Variants in E2F3 observed in about 807,000 individuals in gnomAD.
E2F3 encodes the protein transcription factor E2F3.
In E2F3, 11 loss-of-function variants were observed where a neutral mutation model predicts 44.4. The ratio of observed to expected loss-of-function variants is 0.25; its 90% CI spans 0.16 to 0.41. E2F3 has a LOEUF of 0.41. Among genes scored for constraint, E2F3 ranks in the 10% least tolerant of loss-of-function variants. The pLI is 1.00. For missense variants in E2F3, 487 were observed against 583.6 expected (o/e 0.83, Z 1.70); for synonymous variants, 249 against 253.0 (o/e 0.98, Z 0.15).
At chr6:20,456,313 TAAA>T (rs76985100) in intron 1 of E2F3, among the ~76,000 whole-genome samples, 1 of 137,108 alleles carries the variant, frequency 7.3e-6, no homozygotes, top group Admixed American at 7.3e-5. Flanking sequence ...GTCCCCCAGT[TAAA>T]AAAAAAAAAA....
rs1762613592 is a variant in E2F3, at chr6:20,493,691, A to G, written c.*3261A>G. ...ATAAATTTTGTATGGTAAAGGATCA[A>G]TAAAATGATTTTTTTTAAGAGTTCA... On this transcript the variant is annotated 3_prime_UTR_variant, in exon 7 of 7. Coordinates refer to ENST00000346618, the MANE Select transcript of E2F3 (RefSeq NM_001949.5). The G allele has an allele frequency of 2.1e-5, 4 of 194,706 alleles. No individual in the cohort carries two copies. The Admixed American group carries it at 2.4e-4, about 12-fold the overall frequency. 12.1% of individuals were successfully genotyped at this position (194,706 alleles called of 1,614,324 possible). A position where few individuals can be genotyped will look rare whatever the true frequency, so the allele number is the denominator to read the frequency against.
At chr6:20,459,506 T>C (rs1199926072) in intron 1 of E2F3, among the ~76,000 whole-genome samples, 23 of 152,206 alleles carry the variant, frequency 1.5e-4, no homozygotes, top group Admixed American at 1.5e-3. Context: ...AGCTGAAAAT[T>C]GATGTCACCG....
intron 1 of E2F3, among the ~76,000 whole-genome samples, chr6:20,476,407 T>G (rs1762046804): frequency 6.6e-6 from 1 of 151,756 alleles, no homozygotes; most frequent in South Asian, 2.1e-4. Context: ...AAAGGAGAGT[T>G]TATTGGCTAA....
At chr6:20,407,619 T>A (rs1489451359) in intron 1 of E2F3, among the ~76,000 whole-genome samples, 2 of 152,240 alleles carry the variant, frequency 1.3e-5, no homozygotes, top group Non-Finnish European at 2.9e-5. Flanking sequence ...TTAACTCTTC[T>A]GTCTTTAATG....
intron 1 of E2F3, among the ~76,000 whole-genome samples, chr6:20,429,390 A>G (rs1308853151): frequency 5.9e-5 from 9 of 152,218 alleles, no homozygotes; most frequent in African/African-American, 9.6e-5. Context: ...GCATCATTAA[A>G]TACCACCTGG....
chr6:20,482,357 T>A (rs916030427), intron 3 of E2F3, among the ~76,000 whole-genome samples: 11 of 144,262 alleles, frequency 7.6e-5, no homozygotes, highest in Middle Eastern at 3.7e-3. Context: ...TTTTTTTTTT[T>A]AATTTTGAAC....
intron 1 of E2F3, among the ~76,000 whole-genome samples, chr6:20,467,505 C>T (rs1466328131): frequency 6.6e-6 from 1 of 152,208 alleles, no homozygotes; most frequent in Non-Finnish European, 1.5e-5. Context: ...ATACCCTCTG[C>T]TTTCAATGGC....
chr6:20,408,349 G>A (rs1448099524), intron 1 of E2F3, among the ~76,000 whole-genome samples: 2 of 152,098 alleles, frequency 1.3e-5, no homozygotes, highest in Non-Finnish European at 1.5e-5. Context: ...TATTATAGAG[G>A]GATAACATAC....
intron 1 of E2F3, among the ~76,000 whole-genome samples, chr6:20,447,632 G>A (rs6456351): frequency 0.89 from 135,230 of 152,014 alleles, 60,315 homozygotes; most frequent in East Asian, 0.94. Flanking sequence ...ATATTATGTC[G>A]TCTGGTGCAG....
intron 1 of E2F3, among the ~76,000 whole-genome samples, chr6:20,423,096 T>C (rs1283137194): frequency 3.3e-5 from 5 of 152,198 alleles, no homozygotes; most frequent in Admixed American, 3.3e-4. Flanking sequence ...TTCTATGATG[T>C]ATTTCTTTCT....
chr6:20,431,635 A>T (rs952871911), intron 1 of E2F3, among the ~76,000 whole-genome samples: 1 of 152,092 alleles, frequency 6.6e-6, no homozygotes, highest in Non-Finnish European at 1.5e-5. Context: ...CCTCAGCAGA[A>T]TGAAGCCCCT....
At chr6:20,460,118 G>A (rs1761449782) in intron 1 of E2F3, among the ~76,000 whole-genome samples, 1 of 152,152 alleles carries the variant, frequency 6.6e-6, no homozygotes, top group Non-Finnish European at 1.5e-5. Flanking sequence ...CCCACGACTT[G>A]TCTCCCAGAA....
chr6:20,450,101 T>C (rs1442468613), intron 1 of E2F3, among the ~76,000 whole-genome samples: 4 of 152,218 alleles, frequency 2.6e-5, no homozygotes, highest in African/African-American at 9.6e-5. Flanking sequence ...TGAGTCTTCA[T>C]AACAGAACAA....
chr6:20,463,999 T>A (rs1224474853), intron 1 of E2F3, among the ~76,000 whole-genome samples: 1 of 152,222 alleles, frequency 6.6e-6, no homozygotes, highest in Non-Finnish European at 1.5e-5. Context: ...TTTACTGGTT[T>A]ATTATAAAGG....
At chr6:20,487,017 A>C (rs1246174711) in intron 5 of E2F3, among the ~76,000 whole-genome samples, 1 of 152,246 alleles carries the variant, frequency 6.6e-6, no homozygotes, top group African/African-American at 2.4e-5. Context: ...CAGGATGTTC[A>C]GTTCAAAGTG....
intron 1 of E2F3, among the ~76,000 whole-genome samples, chr6:20,407,318 G>A (rs770011807): frequency 2.0e-5 from 3 of 152,120 alleles, no homozygotes; most frequent in East Asian, 1.9e-4. Context: ...TACCAAGGGC[G>A]CCACTCTAAT....
intron 1 of E2F3, among the ~76,000 whole-genome samples, chr6:20,436,760 AT>A (rs1441478468): frequency 6.6e-6 from 1 of 152,230 alleles, no homozygotes; most frequent in Non-Finnish European, 1.5e-5. Flanking sequence ...TAAGGTTCTA[AT>A]ATGGACTTCT....
chr6:20,402,248 C>T lies in E2F3; in HGVS notation c.16C>T (p.Gln6Ter). 1.3e-6 allele frequency: 2 copies of T among 1,595,834 alleles called. No homozygotes were observed. The highest frequency in any genetic ancestry group is 8.5e-7 in the Non-Finnish European group (1 of 1,175,344). ...GGAGCGAGAGATGAGAAAGGGAATCCAGCCCGCTCTGGAGCAGTACCTGGT... is the reference window on the plus strand; with the variant it reads ...GGAGCGAGAGATGAGAAAGGGAATCTAGCCCGCTCTGGAGCAGTACCTGGT... MRKGI[Q>*]PALEQYLVTA... Residue 6 changes from glutamine to a stop codon, truncating the protein, a stop_gained, in exon 1 of 7, where the codon CAG (glutamine) becomes TAG (stop). Transcript: ENST00000346618. LOFTEE classifies it high-confidence loss of function. This position sits in a 1 kb window ranked among gnomAD's most constrained non-coding sequence, Gnocchi z 5.6.
At position 20,492,356 on chromosome 6, in the gene E2F3, G is replaced by C. The variant is rs576605115; in HGVS notation, c.*1926G>C. 4.3e-6 allele frequency: 1 copy of C among 233,480 alleles called. No individual in the cohort carries two copies. The highest frequency in any genetic ancestry group is 6.0e-5 in the East Asian group (1 of 16,680). 14.5% of individuals were successfully genotyped at this position (233,480 alleles called of 1,614,324 possible). ...TTTTCTTCTTCAGCCTCCATCCCTGGCCTCCTCCCCTCACACACACTGGAC... is the reference window on the plus strand; with the variant it reads ...TTTTCTTCTTCAGCCTCCATCCCTGCCCTCCTCCCCTCACACACACTGGAC... On this transcript the variant is annotated 3_prime_UTR_variant, in exon 7 of 7. Transcript: ENST00000346618.
Sources: allele counts gnomAD v4.1 joint callset (sites outside exome capture counted in the v4.1 genomes callset), GRCh38; gene constraint gnomAD v4.1.1; non-coding constraint Gnocchi (gnomAD v3.1); transcripts MANE v1.5; gene names NCBI Gene and HGNC (gene_info 2026-07-23, HGNC 2026-07-21).